Variants in RAD54B observed in about 807,000 individuals in gnomAD.
RAD54B encodes RAD54 homolog B.
A neutral mutation model predicts 95.8 loss-of-function variants in RAD54B; 78 were observed. That is an observed-to-expected ratio of 0.81 (90% CI 0.68 to 0.98). The LOEUF is 0.98. RAD54B is among the 50% of genes least tolerant of loss of function. RAD54B has a pLI of 0.00. For missense variants in RAD54B, 957 were observed against 1,056.6 expected (o/e 0.91, Z 1.31); for synonymous variants, 328 against 354.9 (o/e 0.92, Z 0.85).
intron 9 of RAD54B, among the ~76,000 whole-genome samples, chr8:94,393,213 T>C (rs986236805): frequency 6.6e-6 from 1 of 152,190 alleles, no homozygotes; most frequent in African/African-American, 2.4e-5. Context: ...TTTAATGCTT[T>C]TGATATACAT....
intron 3 of RAD54B, among the ~76,000 whole-genome samples, chr8:94,442,673 T>C (rs1040328316): frequency 1.4e-4 from 21 of 152,024 alleles, no homozygotes; most frequent in Admixed American, 1.0e-3. Flanking sequence ...CAATTTATTG[T>C]ATAGTTCAAA....
At chr8:94,458,152 A>G (rs927083403) in intron 3 of RAD54B, 116 bp downstream of exon 3, 3 of 906,346 alleles carry the variant, frequency 3.3e-6, no homozygotes, top group African/African-American at 1.8e-5. Context: ...CCAACAATGT[A>G]GTGGTATTAC....
intron 8 of RAD54B, among the ~76,000 whole-genome samples, chr8:94,397,325 C>A (rs980228062): frequency 6.6e-6 from 1 of 152,064 alleles, no homozygotes; most frequent in Non-Finnish European, 1.5e-5. Context: ...TTCATTCAGG[C>A]AATTCTAAGA....
chr8:94,461,692 T>C (rs1243921927), intron 2 of RAD54B, among the ~76,000 whole-genome samples: 2 of 152,158 alleles, frequency 1.3e-5, no homozygotes, highest in South Asian at 2.1e-4. Flanking sequence ...ATATTAACCA[T>C]TGGTTTACAT....
At chr8:94,416,034 A>C (rs1811654498) in intron 3 of RAD54B, among the ~76,000 whole-genome samples, 1 of 149,380 alleles carries the variant, frequency 6.7e-6, no homozygotes, top group East Asian at 2.0e-4. Context: ...CCAAAGGACT[A>C]TAAATCATGC....
At chr8:94,427,525 T>C (rs1811971767) in intron 3 of RAD54B, among the ~76,000 whole-genome samples, 1 of 152,044 alleles carries the variant, frequency 6.6e-6, no homozygotes, top group African/African-American at 2.4e-5. Context: ...AAATATTTGA[T>C]TTTGAGAAGC....
At chr8:94,470,245 G>A (rs1813136794) in intron 1 of RAD54B, among the ~76,000 whole-genome samples, 1 of 152,162 alleles carries the variant, frequency 6.6e-6, no homozygotes, top group African/African-American at 2.4e-5. Flanking sequence ...TGGATCACCT[G>A]AGGTCGGGAG....
chr8:94,422,616 AAATATATATATATATATATATAT>A (rs1382689371), intron 3 of RAD54B, among the ~76,000 whole-genome samples: 4 of 82,688 alleles, frequency 4.8e-5, no homozygotes, highest in Non-Finnish European at 8.3e-5. Flanking sequence ...AAAAAAAAAA[AAATATATATATATATATATATAT>A]ATATATATAT....
chr8:94,471,278 C>G (rs1027548570), intron 1 of RAD54B, among the ~76,000 whole-genome samples: 2 of 141,758 alleles, frequency 1.4e-5, no homozygotes, highest in Admixed American at 7.2e-5. Flanking sequence ...CGGGGGGGGG[C>G]AGTACTTTAA....
chr8:94,420,309 G>A (rs1416852438), intron 3 of RAD54B, among the ~76,000 whole-genome samples: 1 of 143,348 alleles, frequency 7.0e-6, no homozygotes, highest in Admixed American at 7.2e-5. Flanking sequence ...AGGCTGGAGT[G>A]CAGTGGTGTG....
At chr8:94,380,016 G>T in intron 12 of RAD54B, 129 bp downstream of exon 12, 1 of 1,005,366 alleles carries the variant, frequency 9.9e-7, no homozygotes, top group Non-Finnish European at 1.4e-6. Flanking sequence ...GCACTTAGGA[G>T]AGTGCCTCAC....
chr8:94,378,386 G>A lies in RAD54B; in HGVS notation c.2315-6C>T, dbSNP rs745349881. On this transcript the variant is annotated splice_region_variant and splice_polypyrimidine_tract_variant and intron_variant, in intron 13 of 14. Transcript: ENST00000336148. ...GATCTTTTCTTCTATTGTACCTAAAGAGAAAACATTAATTAGATTTCCTTC... is the reference window on the plus strand; with the variant it reads ...GATCTTTTCTTCTATTGTACCTAAAAAGAAAACATTAATTAGATTTCCTTC... 7.5e-6 allele frequency: 12 copies of A among 1,604,962 alleles called. No homozygotes were observed. Among genetic ancestry groups the A allele is most frequent in the Non-Finnish European group, 1.0e-5 (12 of 1,175,552 alleles).
intron 3 of RAD54B, among the ~76,000 whole-genome samples, chr8:94,437,703 GAAAC>G (rs1812300978): frequency 6.6e-6 from 1 of 152,126 alleles, no homozygotes; most frequent in Non-Finnish European, 1.5e-5. Context: ...TTCATGGTGA[GAAAC>G]AGTATAATCA....
intron 3 of RAD54B, among the ~76,000 whole-genome samples, chr8:94,433,822 T>C (rs778320625): frequency 1.3e-5 from 2 of 151,672 alleles, no homozygotes; most frequent in Non-Finnish European, 3.0e-5. Flanking sequence ...TTACATATAA[T>C]AAGAAACATA....
intron 3 of RAD54B, chr8:94,427,682 T>C (rs1262013406): frequency 2.0e-6 from 2 of 978,446 alleles, no homozygotes; most frequent in African/African-American, 1.8e-5. Flanking sequence ...GAATTATTTG[T>C]CTTAACGGCA....
chr8:94,392,861 G>A lies in RAD54B; in HGVS notation c.1518+882C>T, dbSNP rs534900879. Among the ~76,000 whole-genome samples the A allele has an allele frequency of 3.0e-5, 4 of 133,712 alleles. No individual in the cohort carries two copies. In the South Asian group the frequency reaches 1.0e-3, roughly 34 times the overall value. 87.7% of individuals were successfully genotyped at this position (133,712 alleles called of 152,430 possible). A position where few individuals can be genotyped will look rare whatever the true frequency, so the allele number is the denominator to read the frequency against. ...TAGTTTTGTTTTTTTTTTTTGAGATGGAGTTTCACTCTGTCACCAGGCTAA... is the reference window on the plus strand; with the variant it reads ...TAGTTTTGTTTTTTTTTTTTGAGATAGAGTTTCACTCTGTCACCAGGCTAA... On this transcript the variant is annotated intron_variant, in intron 9 of 14. Coordinates refer to ENST00000336148, the MANE Select transcript of RAD54B (RefSeq NM_012415.3).
At chr8:94,422,459 C>G (rs1202610500) in intron 3 of RAD54B, among the ~76,000 whole-genome samples, 1 of 150,076 alleles carries the variant, frequency 6.7e-6, no homozygotes, top group Non-Finnish European at 1.5e-5. Flanking sequence ...TGGTAGTACA[C>G]GCCTGTAGTG....
intron 1 of RAD54B, among the ~76,000 whole-genome samples, chr8:94,471,243 T>C (rs1213994293): frequency 6.9e-6 from 1 of 144,434 alleles, no homozygotes; most frequent in African/African-American, 2.7e-5. Flanking sequence ...GTATTTGTTA[T>C]GTGAATGATA....
intron 5 of RAD54B, among the ~76,000 whole-genome samples, chr8:94,406,692 T>C (rs1484948280): frequency 6.6e-6 from 1 of 152,172 alleles, no homozygotes; most frequent in Non-Finnish European, 1.5e-5. Context: ...GGAAAAATAA[T>C]CATTACTTTA....
Sources: gnomAD v4.1 joint callset for allele counts (sites outside exome capture counted in the v4.1 genomes callset) on GRCh38, gnomAD v4.1.1 for gene constraint, MANE v1.5 for transcripts, NCBI Gene and HGNC (gene_info 2026-07-23, HGNC 2026-07-21) for gene names.